The following CDH18 variants were observed in gnomAD, a reference collection of about 807,000 sequenced individuals.
The protein encoded by CDH18 is cadherin-18.
Under a neutral mutation model 67.9 loss-of-function variants are expected in CDH18, and 31 were observed. The observed-to-expected ratio is 0.46, with a 90% confidence interval of 0.34 to 0.62. The LOEUF is 0.62. Ranked by LOEUF, CDH18 falls within the 20% of genes least tolerant of loss-of-function variation. CDH18 has a pLI of 0.01. For synonymous variants in CDH18, 362 were observed against 347.2 expected (o/e 1.04, Z -0.48); for missense variants, 890 against 975.5 (o/e 0.91, Z 1.17).
chr5:19,571,302 A>T (rs1172534496), intron 8 of CDH18, among the ~76,000 whole-genome samples: 3 of 152,146 alleles, frequency 2.0e-5, no homozygotes, highest in Non-Finnish European at 2.9e-5. Flanking sequence ...GCTCTACAAC[A>T]ATTTTCTCAA....
chr5:20,488,463 G>C (rs544227169), intron 1 of CDH18, among the ~76,000 whole-genome samples: 1 of 152,014 alleles, frequency 6.6e-6, no homozygotes, highest in East Asian at 1.9e-4. Flanking sequence ...TCAGAATTTA[G>C]GACAAAGGAT....
At chr5:19,738,186 T>G (rs1768613163) in intron 4 of CDH18, among the ~76,000 whole-genome samples, 1 of 10,502 alleles carries the variant, frequency 9.5e-5, no homozygotes, top group Non-Finnish European at 0.012. Flanking sequence ...TAAAATATAT[T>G]TTTAAGGGAC....
At chr5:19,931,754 A>G (rs1793720230) in intron 2 of CDH18, among the ~76,000 whole-genome samples, 1 of 151,886 alleles carries the variant, frequency 6.6e-6, no homozygotes, top group South Asian at 2.1e-4. Context: ...GACTTGCTCC[A>G]AATTTCTTTC....
rs1757456703 is a variant in CDH18 at position 20,548,430 on chromosome 5, A to G, written c.-580+27032T>C. Among the ~76,000 whole-genome samples, 4 of 136,172 alleles carry G rather than the reference A, an allele frequency of 2.9e-5. No homozygotes were observed. In the South Asian group the frequency reaches 9.8e-4, roughly 33 times the overall value. 89.3% of individuals were successfully genotyped at this position (136,172 alleles called of 152,430 possible). ...GCCTGTATGGATTGTCAGGTAATAG[A>G]GAACATGTTTGTGTGTGTGTGTGTG... On this transcript the variant is annotated intron_variant, in intron 1 of 14. Coordinates refer to the CDH18 transcript ENST00000507958.
intron 2 of CDH18, among the ~76,000 whole-genome samples, chr5:20,109,311 C>T (rs1336163278): frequency 6.6e-6 from 1 of 152,212 alleles, no homozygotes; most frequent in African/African-American, 2.4e-5. Context: ...ACGAGAGACA[C>T]AGTCTCCAAG....
chr5:19,639,919 T>C (rs922664835), intron 5 of CDH18, among the ~76,000 whole-genome samples: 7 of 152,202 alleles, frequency 4.6e-5, no homozygotes, highest in Admixed American at 2.6e-4. Context: ...AGGCTATCAA[T>C]GTCGTTCTCA....
intron 2 of CDH18, among the ~76,000 whole-genome samples, chr5:20,120,974 G>A (rs1405790029): frequency 6.6e-6 from 1 of 151,924 alleles, no homozygotes; most frequent in African/African-American, 2.4e-5. Flanking sequence ...GGGTGTCACT[G>A]GCCATTAAAC....
At chr5:20,208,557 T>C (rs1740095467) in intron 2 of CDH18, among the ~76,000 whole-genome samples, 1 of 152,006 alleles carries the variant, frequency 6.6e-6, no homozygotes, top group South Asian at 2.1e-4. Flanking sequence ...ACTCACTGTA[T>C]TAAAAAAAAT....
intron 2 of CDH18, among the ~76,000 whole-genome samples, chr5:19,957,354 CATT>C (rs1459564592): frequency 6.0e-5 from 9 of 150,548 alleles, no homozygotes; most frequent in African/African-American, 2.4e-5. Context: ...ATTTATATGT[CATT>C]ATATACATCA....
intron 11 of CDH18, among the ~76,000 whole-genome samples, chr5:19,495,139 C>T (rs1742074340): frequency 6.6e-6 from 1 of 152,132 alleles, no homozygotes; most frequent in South Asian, 2.1e-4. Context: ...GACTAATCCT[C>T]AGAGATTTTG....
intron 2 of CDH18, among the ~76,000 whole-genome samples, chr5:20,157,749 T>G (rs1751647868): frequency 6.6e-6 from 1 of 151,980 alleles, no homozygotes; most frequent in Non-Finnish European, 1.5e-5. Context: ...TTCAAGTGAT[T>G]CTCCTGCCCC....
intron 1 of CDH18, among the ~76,000 whole-genome samples, chr5:20,500,077 A>G (rs10941831): frequency 0.5 from 76,172 of 151,918 alleles, 19,225 homozygotes; most frequent in East Asian, 0.56. Context: ...CCTTAAACTC[A>G]TGTCACTGTC....
chr5:20,218,720 C>G (rs577352279), intron 2 of CDH18, among the ~76,000 whole-genome samples: 4 of 151,928 alleles, frequency 2.6e-5, no homozygotes, highest in Non-Finnish European at 5.9e-5. Flanking sequence ...GTATCTTCCT[C>G]ATTTTGCTCT....
intron 3 of CDH18, among the ~76,000 whole-genome samples, chr5:19,783,119 T>C (rs1775318087): frequency 6.6e-6 from 1 of 152,192 alleles, no homozygotes; most frequent in Non-Finnish European, 1.5e-5. Context: ...CTAATTAACA[T>C]GAACAAATCC....
intron 3 of CDH18, among the ~76,000 whole-genome samples, chr5:19,765,618 C>T (rs1772977755): frequency 6.6e-6 from 1 of 151,982 alleles, no homozygotes; most frequent in African/African-American, 2.4e-5. Flanking sequence ...CACTAAAGAA[C>T]CAAAATGCAA....
In CDH18 at chr5:20,555,408, C is replaced by CTTTTTTTTTTTTTTTTTT. The variant is rs774396694; in HGVS notation, c.-580+20036_-580+20053dup. ...GCCAGAACCACCAAGACAAGCTTTTCTTTTTTTTTTTTTTTTTTTTTTTTT... is the reference window on the plus strand; with the variant it reads ...GCCAGAACCACCAAGACAAGCTTTTCTTTTTTTTTTTTTTTTTTTTTTTTTTTTTTTTTTTTTTTTTTT... On this transcript the variant is annotated intron_variant, in intron 1 of 14. Coordinates refer to the CDH18 transcript ENST00000507958. Among the ~76,000 whole-genome samples the CTTTTTTTTTTTTTTTTTT allele has an allele frequency of 6.8e-4, 70 of 103,650 alleles. 2 individuals carry two copies. Among genetic ancestry groups the CTTTTTTTTTTTTTTTTTT allele is most frequent in the African/African-American group, 7.4e-4 (18 of 24,370 alleles). 68.0% of individuals were successfully genotyped at this position (103,650 alleles called of 152,430 possible).
At chr5:19,937,090 T>C (rs180919689) in intron 2 of CDH18, among the ~76,000 whole-genome samples, 1 of 151,456 alleles carries the variant, frequency 6.6e-6, no homozygotes, top group East Asian at 1.9e-4. Flanking sequence ...GATGACCAAT[T>C]TTATTAGTTT....
At chr5:19,865,087 C>T (rs1785339769) in intron 2 of CDH18, among the ~76,000 whole-genome samples, 1 of 152,102 alleles carries the variant, frequency 6.6e-6, no homozygotes, top group Admixed American at 6.6e-5. Flanking sequence ...TGCCCTAGGT[C>T]ATTCTTCCTA....
intron 10 of CDH18, among the ~76,000 whole-genome samples, chr5:19,520,309 T>G (rs1746692251): frequency 6.6e-6 from 1 of 152,138 alleles, no homozygotes; most frequent in African/African-American, 2.4e-5. Context: ...AGCTAGTCCC[T>G]CTGACACAAT....
Sources: gnomAD v4.1 joint callset for allele counts (sites outside exome capture counted in the v4.1 genomes callset) on GRCh38, gnomAD v4.1.1 for gene constraint, MANE v1.5 for transcripts, NCBI Gene and HGNC (gene_info 2026-07-23, HGNC 2026-07-21) for gene names.